The following ZMYM2 variants were observed in gnomAD, a reference collection of about 807,000 sequenced individuals.
ZMYM2 encodes zinc finger MYM-type protein 2.
A neutral mutation model predicts 162.8 loss-of-function variants in ZMYM2; 56 were observed. That is an observed-to-expected ratio of 0.34 (90% CI 0.28 to 0.43). The LOEUF is 0.43. ZMYM2 is among the 20% of genes least tolerant of loss of function. ZMYM2 has a pLI of 1.00. For missense variants in ZMYM2, 1,275 were observed against 1,621.8 expected (o/e 0.79, Z 3.67); for synonymous variants, 510 against 541.6 (o/e 0.94, Z 0.81).
chr13:19,997,889 A>AT (rs772196551), intron 3 of ZMYM2, among the ~76,000 whole-genome samples: 3 of 152,084 alleles, frequency 2.0e-5, no homozygotes, highest in African/African-American at 4.8e-5. Flanking sequence ...AAATTTGTCT[A>AT]TTTTGTATTT....
chr13:19,993,300 A>T lies in ZMYM2; in HGVS notation c.228A>T (p.Val76=). Residue 76 remains valine, a synonymous_variant, in exon 3 of 25, where the codon GTA becomes GTT. Coordinates refer to ENST00000610343, the MANE Select transcript of ZMYM2 (RefSeq NM_197968.4). ...CTCCCCCACCTTCTGTACCAGTGGT[A>T]GCTGATCAAAGAACCATAACATTTA... ...VQPPPPSVPV[V]ADQRTITFTS... is the part of the protein sequence containing the mutation. The T allele has an allele frequency of 6.2e-7, 1 of 1,613,972 alleles. No individual in the cohort carries two copies. The highest frequency in any genetic ancestry group is 1.1e-5 in the South Asian group (1 of 91,086).
At chr13:20,066,740 T>G in intron 19 of ZMYM2, 111 bp from the exon 20 acceptor site, 1 of 1,098,650 alleles carries the variant, frequency 9.1e-7, no homozygotes, top group Non-Finnish European at 1.2e-6. Context: ...TTCAAACCCA[T>G]GTTGCTCAAG....
chr13:20,015,295 C>T (rs1233667410), intron 6 of ZMYM2, among the ~76,000 whole-genome samples: 1 of 152,092 alleles, frequency 6.6e-6, no homozygotes. Flanking sequence ...ATTTCTAGTT[C>T]TATTCCATTG....
At chr13:20,065,923 C>T (rs17068315) in intron 19 of ZMYM2, among the ~76,000 whole-genome samples, 1 of 152,100 alleles carries the variant, frequency 6.6e-6, no homozygotes, top group Admixed American at 6.5e-5. Context: ...AAGTGTCACT[C>T]TCTATAAGGT....
chr13:19,986,742 TATTC>T (rs765717085), intron 2 of ZMYM2, among the ~76,000 whole-genome samples: 1 of 152,058 alleles, frequency 6.6e-6, no homozygotes, highest in Non-Finnish European at 1.5e-5. Context: ...ATGGACCAAA[TATTC>T]ATGTCAAACA....
chr13:20,027,349 C>A, intron 9 of ZMYM2, 31 bp downstream of exon 9: 1 of 1,462,334 alleles, frequency 6.8e-7, no homozygotes, highest in South Asian at 1.3e-5. Context: ...AACCCATGCC[C>A]CCAATAAAAT....
At chr13:20,069,106 A>G (rs951831134) in intron 21 of ZMYM2, among the ~76,000 whole-genome samples, 1 of 152,014 alleles carries the variant, frequency 6.6e-6, no homozygotes, top group Non-Finnish European at 1.5e-5. Context: ...AATATAACTG[A>G]TTTTTATATA....
the ZMYM2 span, among the ~76,000 whole-genome samples, chr13:19,871,409 A>ACTTTAT: frequency 6.6e-6 from 1 of 151,942 alleles, no homozygotes; most frequent in Admixed American, 6.6e-5. Context: ...TTTTGTTTTT[A>ACTTTAT]TTTTATTTTT....
chr13:19,919,467 A>G, the ZMYM2 span, among the ~76,000 whole-genome samples: 2,844 of 152,224 alleles, frequency 0.019, 38 homozygotes, highest in Non-Finnish European at 0.028. Context: ...CCCACCAGCA[A>G]TAAATGAGAG....
Position 20,086,617 on chromosome 13 carries a change from T to C in ZMYM2, c.*603T>C, listed in dbSNP as rs562983710. ...AATAGACAAGAGAATGCTGTCAATA[T>C]TGGTGTACTGTAATGTGAATCTATG... On this transcript the variant is annotated 3_prime_UTR_variant, in exon 25 of 25. Transcript: ENST00000610343. 1.6e-4 allele frequency: 31 copies of C among 197,952 alleles called. No individual in the cohort carries two copies. Among genetic ancestry groups the C allele is most frequent in the African/African-American group, 6.2e-4 (27 of 43,408 alleles). The allele number at this position is 197,952 out of a possible 1,614,324, so 12.3% of individuals were successfully genotyped here. A position where few individuals can be genotyped will look rare whatever the true frequency, so the allele number is the denominator to read the frequency against.
chr13:20,004,928 G>A, intron 4 of ZMYM2, 146 bp from the exon 5 acceptor site: 1 of 537,044 alleles, frequency 1.9e-6, no homozygotes, highest in South Asian at 4.5e-5. Flanking sequence ...ATTTTATTAG[G>A]AATGTCTAAT....
At chr13:19,974,333 T>C (rs551618008) in intron 2 of ZMYM2, among the ~76,000 whole-genome samples, 2 of 152,354 alleles carry the variant, frequency 1.3e-5, no homozygotes, top group Admixed American at 6.5e-5. Context: ...CTTATTAGCA[T>C]GTAAGTCCAT....
the ZMYM2 span, among the ~76,000 whole-genome samples, chr13:19,887,622 C>T: frequency 2.6e-5 from 4 of 151,306 alleles, no homozygotes; most frequent in South Asian, 6.3e-4. Context: ...GATTTTTGAT[C>T]TGGTTACTCA....
chr13:19,904,507 G>C, the ZMYM2 span, among the ~76,000 whole-genome samples: 1 of 152,104 alleles, frequency 6.6e-6, no homozygotes, highest in African/African-American at 2.4e-5. Context: ...GCTGTGAGCT[G>C]AGATGGCGCC....
chr13:20,026,805 T>C, intron 8 of ZMYM2, 43 bp downstream of exon 8: 1 of 1,540,242 alleles, frequency 6.5e-7, no homozygotes, highest in Non-Finnish European at 8.7e-7. Context: ...CTTTACAACG[T>C]AATTAATTTT....
Position 20,067,300 on chromosome 13 carries a change from G to T in ZMYM2, c.3363G>T (p.Gly1121=), listed in dbSNP as rs370894728. Residue 1121 remains glycine, a synonymous_variant, in exon 21 of 25, where the codon GGG becomes GGT. Coordinates refer to ENST00000610343, the MANE Select transcript of ZMYM2 (RefSeq NM_197968.4). Reference sequence around the variant, plus strand: ...ACACCACAGCTGAGCTTAACTATGGGTTAGCTCATTTTGTCAATGAGATCC... The same window carrying T: ...ACACCACAGCTGAGCTTAACTATGGTTTAGCTCATTTTGTCAATGAGATCC... ...LSHTTAELNY[G]LAHFVNEIRR... 5 of 1,601,712 alleles carry T rather than the reference G, an allele frequency of 3.1e-6. No homozygotes were observed. Among genetic ancestry groups the T allele is most frequent in the East Asian group, 2.2e-5 (1 of 44,614 alleles).
chr13:19,992,969 T>A, intron 2 of ZMYM2, 94 bp from the exon 3 acceptor site: 1 of 1,346,332 alleles, frequency 7.4e-7, no homozygotes, highest in Non-Finnish European at 9.9e-7. Flanking sequence ...AGAATAAAAA[T>A]AAAATAAAAG....
intron 10 of ZMYM2, among the ~76,000 whole-genome samples, chr13:20,033,089 G>T (rs2140330415): frequency 6.6e-6 from 1 of 152,156 alleles, no homozygotes; most frequent in Non-Finnish European, 1.5e-5. Context: ...TAACCTTTAA[G>T]TAACAGCAGT....
chr13:19,876,067 C>T, the ZMYM2 span, among the ~76,000 whole-genome samples: 9 of 151,204 alleles, frequency 6.0e-5, no homozygotes, highest in African/African-American at 2.2e-4. Context: ...GCTCTTGTCA[C>T]CCAGGCTGGA....
Sources: gnomAD v4.1 joint callset for allele counts (sites outside exome capture counted in the v4.1 genomes callset) on GRCh38, gnomAD v4.1.1 for gene constraint, MANE v1.5 for transcripts, NCBI Gene and HGNC (gene_info 2026-07-23, HGNC 2026-07-21) for gene names.